Variants in FER observed in about 807,000 individuals in gnomAD.
FER encodes the protein tyrosine-protein kinase Fer.
A neutral mutation model predicts 111.0 loss-of-function variants in FER; 63 were observed. The ratio of observed to expected loss-of-function variants is 0.57; its 90% CI spans 0.46 to 0.70. The LOEUF is 0.70. Among genes scored for constraint, FER ranks in the 30% least tolerant of loss-of-function variants. The probability of loss-of-function intolerance (pLI) is 0.00; values close to 1 mark genes in which losing one functional copy is unlikely to be tolerated. For missense variants in FER, 914 were observed against 954.0 expected (o/e 0.96, Z 0.55); for synonymous variants, 327 against 313.9 (o/e 1.04, Z -0.44).
intron 17 of FER, among the ~76,000 whole-genome samples, chr5:109,106,833 AT>A (rs1367396956): frequency 6.6e-6 from 1 of 152,194 alleles, no homozygotes; most frequent in Non-Finnish European, 1.5e-5. Flanking sequence ...ACCTTCCTTT[AT>A]GTTAGCCAAT....
chr5:108,916,983 C>A (rs1752354731), intron 10 of FER, among the ~76,000 whole-genome samples: 1 of 152,024 alleles, frequency 6.6e-6, no homozygotes, highest in East Asian at 1.9e-4. Context: ...TTAGCATTTT[C>A]TAGTGTGATA....
chr5:108,833,582 A>G (rs575053716), intron 4 of FER, among the ~76,000 whole-genome samples: 1 of 152,222 alleles, frequency 6.6e-6, no homozygotes, highest in South Asian at 2.1e-4. Context: ...CTTGTTAGAA[A>G]TGTAACTACA....
intron 17 of FER, among the ~76,000 whole-genome samples, chr5:109,142,829 G>T (rs114794850): frequency 6.6e-6 from 1 of 152,114 alleles, no homozygotes; most frequent in Non-Finnish European, 1.5e-5. Context: ...TTCTGTGGAA[G>T]GTTGTGTTTT....
intron 17 of FER, among the ~76,000 whole-genome samples, chr5:109,143,923 T>C (rs563118866): frequency 6.6e-6 from 1 of 151,678 alleles, no homozygotes; most frequent in South Asian, 2.1e-4. Flanking sequence ...TGTTTTTCAG[T>C]TTCAAGCAGT....
At chr5:109,120,772 C>T (rs1750865799) in intron 17 of FER, among the ~76,000 whole-genome samples, 1 of 151,860 alleles carries the variant, frequency 6.6e-6, no homozygotes, top group African/African-American at 2.4e-5. Context: ...CAATTTATTT[C>T]ACCAATGTTT....
intron 5 of FER, among the ~76,000 whole-genome samples, chr5:108,841,056 T>C (rs139370454): frequency 5.3e-4 from 81 of 152,304 alleles, no homozygotes; most frequent in South Asian, 1.9e-3. Flanking sequence ...GAGAACAATG[T>C]AAAGAGGGAA....
intron 9 of FER, among the ~76,000 whole-genome samples, chr5:108,897,007 C>T (rs1378235023): frequency 2.0e-5 from 3 of 152,152 alleles, no homozygotes; most frequent in Admixed American, 6.5e-5. Flanking sequence ...TGAAGGCAGC[C>T]TCCAAGGGTT....
chr5:108,758,569 C>T (rs1751375923), intron 1 of FER, among the ~76,000 whole-genome samples: 1 of 152,138 alleles, frequency 6.6e-6, no homozygotes, highest in Non-Finnish European at 1.5e-5. Flanking sequence ...TTCAGGAAGC[C>T]AAACATAAAG....
In FER at chr5:109,189,276, A is replaced by T. The variant is rs1759196888; in HGVS notation, c.*1701A>T. The T allele has an allele frequency of 6.6e-6, 1 of 152,196 alleles. No homozygotes were observed. The highest frequency in any genetic ancestry group is 2.4e-5 in the African/African-American group (1 of 41,438). The allele number at this position is 152,196 out of a possible 1,614,324, so 9.4% of individuals were successfully genotyped here. A position where few individuals can be genotyped will look rare whatever the true frequency, so the allele number is the denominator to read the frequency against. On this transcript the variant is annotated 3_prime_UTR_variant, in exon 20 of 20. Transcript: ENST00000281092. ...ATGCTCAGGGCTAAATATGTTCTGG[A>T]AGCCTTTTATAAGTTCTCAGGCCTG...
intron 10 of FER, among the ~76,000 whole-genome samples, chr5:108,933,732 A>G (rs1755039691): frequency 6.6e-6 from 1 of 152,196 alleles, no homozygotes; most frequent in South Asian, 2.1e-4. Flanking sequence ...CTTCCTACCC[A>G]TGAGCATGGA....
intron 13 of FER, among the ~76,000 whole-genome samples, chr5:109,025,335 C>T (rs112940741): frequency 1.9e-4 from 29 of 152,142 alleles, no homozygotes; most frequent in Admixed American, 1.6e-3. Context: ...AGGTCCATCA[C>T]GTCCCTTGTA....
intron 17 of FER, among the ~76,000 whole-genome samples, chr5:109,136,771 A>G (rs1038434141): frequency 2.6e-5 from 4 of 152,046 alleles, no homozygotes; most frequent in Non-Finnish European, 5.9e-5. Context: ...CTTCACATTT[A>G]TAAATTCTAT....
At chr5:108,796,924 T>G (rs1208363493) in intron 2 of FER, among the ~76,000 whole-genome samples, 1 of 151,854 alleles carries the variant, frequency 6.6e-6, no homozygotes, top group Non-Finnish European at 1.5e-5. Context: ...TTCTCTTTGT[T>G]TTTCTCAAGC....
At chr5:109,012,011 C>G (rs1766338672) in intron 13 of FER, among the ~76,000 whole-genome samples, 1 of 152,186 alleles carries the variant, frequency 6.6e-6, no homozygotes, top group Non-Finnish European at 1.5e-5. Context: ...CCCAGCAGAG[C>G]CTACTTCTCT....
chr5:108,981,332 C>G (rs1256371164), intron 13 of FER, among the ~76,000 whole-genome samples: 1 of 151,670 alleles, frequency 6.6e-6, no homozygotes, highest in African/African-American at 2.4e-5. Context: ...TTAAATCAAA[C>G]AGGCTAAAAG....
chr5:108,821,178 A>G (rs10050547), intron 3 of FER, among the ~76,000 whole-genome samples: 34,654 of 152,182 alleles, frequency 0.23, 4,129 homozygotes, highest in African/African-American at 0.28. Context: ...ACCAAGAGAA[A>G]GTGAAATTCT....
At chr5:109,127,534 G>T (rs1751866707) in intron 17 of FER, among the ~76,000 whole-genome samples, 1 of 152,072 alleles carries the variant, frequency 6.6e-6, no homozygotes, top group Non-Finnish European at 1.5e-5. Flanking sequence ...CTGCTGAGTA[G>T]CTGGGATTAC....
At chr5:108,868,750 T>G (rs1187186609) in intron 6 of FER, among the ~76,000 whole-genome samples, 1 of 152,056 alleles carries the variant, frequency 6.6e-6, no homozygotes, top group African/African-American at 2.4e-5. Flanking sequence ...TCAAAAAAAG[T>G]AGTGAAGTAT....
chr5:108,967,597 TA>T (rs775690489), intron 13 of FER, among the ~76,000 whole-genome samples: 1 of 151,506 alleles, frequency 6.6e-6, no homozygotes, highest in Non-Finnish European at 1.5e-5. Flanking sequence ...CCCTCTCTAC[TA>T]AAAATACAAA....
Sources: gnomAD v4.1 joint callset for allele counts (sites outside exome capture counted in the v4.1 genomes callset) on GRCh38, gnomAD v4.1.1 for gene constraint, MANE v1.5 for transcripts, NCBI Gene and HGNC (gene_info 2026-07-23, HGNC 2026-07-21) for gene names.